FBRSL1: variants seen among roughly 807,000 people sequenced by gnomAD.
The protein encoded by FBRSL1 is fibrosin-1-like protein.
Under a neutral mutation model 89.6 loss-of-function variants are expected in FBRSL1, and 51 were observed. The ratio of observed to expected loss-of-function variants is 0.57; its 90% confidence interval spans 0.45 to 0.72. The LOEUF (loss-of-function observed/expected upper bound fraction) is 0.72. Among genes scored for constraint, FBRSL1 ranks in the 30% least tolerant of loss-of-function variants. The probability of loss-of-function intolerance (pLI) is 0.00; values close to 1 mark genes in which losing one functional copy is unlikely to be tolerated. For missense variants in FBRSL1, 1,618 were observed against 1,451.8 expected (o/e 1.11, Z -1.86); for synonymous variants, 779 against 681.1 (o/e 1.14, Z -2.24).
At chr12:132,523,454 C>T (rs924563722) in intron 2 of FBRSL1, among the ~76,000 whole-genome samples, 3 of 152,102 alleles carry the variant, frequency 2.0e-5, no homozygotes, top group African/African-American at 7.2e-5. Context: ...CCCTCTGTGG[C>T]ATGGGGGTGA....
At chr12:132,525,471 T>TA (rs957929241) in intron 2 of FBRSL1, among the ~76,000 whole-genome samples, 73 of 152,132 alleles carry the variant, frequency 4.8e-4, no homozygotes, top group Non-Finnish European at 8.5e-4. Flanking sequence ...CCCGTCCTGG[T>TA]AGAGTGTGTT....
rs752450409 is a variant in FBRSL1, at chr12:132,570,072, G to A, written c.838G>A (p.Gly280Ser). 254 of 1,489,698 alleles carry A rather than the reference G, an allele frequency of 1.7e-4. No homozygotes were observed. The highest frequency in any genetic ancestry group is 7.9e-4 in the Middle Eastern group (4 of 5,034). The allele number at this position is 1,489,698 out of a possible 1,614,324, so 92.3% of individuals were successfully genotyped here. The change falls in exon 7 of 19, where the codon GGC becomes AGC. Residue 280 changes from glycine (G) to serine (S), a missense_variant. Coordinates refer to ENST00000680143, the MANE Select transcript of FBRSL1 (RefSeq NM_001367871.1). The part of the protein sequence containing the change: ...HAAPCPGPPP[G>S]SRANPLVKKE... ...CGCGCCCTGCCCGGGGCCCCCGCCC[G>A]GCTCCCGCGCCAATCCCTTGGTGAA...
At position 132,584,345 on chromosome 12, in the gene FBRSL1, TG is replaced by T. The variant is rs1327425835; in HGVS notation, c.*568del. 7 of 152,340 alleles carry T rather than the reference TG, an allele frequency of 4.6e-5. No individual in the cohort carries two copies. The Middle Eastern group carries it at 0.01, about 222-fold the overall frequency. The allele number at this position is 152,340 out of a possible 1,614,324, so 9.4% of individuals were successfully genotyped here. A position where few individuals can be genotyped will look rare whatever the true frequency, so the allele number is the denominator to read the frequency against. Reference sequence around the variant, plus strand: ...CAGAAGTGTAATTTCTTTTTTGGTTTGTTTTTTTAAAAGCAAACGAAACGTG... The same window carrying T: ...CAGAAGTGTAATTTCTTTTTTGGTTTTTTTTTTAAAAGCAAACGAAACGTG... On this transcript the variant is annotated 3_prime_UTR_variant, in exon 19 of 19. Coordinates refer to ENST00000680143, the MANE Select transcript of FBRSL1 (RefSeq NM_001367871.1).
chr12:132,490,696 C>T lies in FBRSL1; in HGVS notation c.126C>T (p.Pro42=), dbSNP rs898008694. ...PSSGDEPEPS[P]GKENAGLRGA... is the part of the protein sequence containing the mutation. ...CGGGCGACGAGCCCGAGCCCAGCCCCGGCAAGGAGAACGCGGGCCTCCGCG... is the reference window on the plus strand; with the variant it reads ...CGGGCGACGAGCCCGAGCCCAGCCCTGGCAAGGAGAACGCGGGCCTCCGCG... The change falls in exon 1 of 19, where the codon CCC becomes CCT. Residue 42 remains proline (P), a synonymous_variant. Transcript: ENST00000680143. The T allele has an allele frequency of 9.3e-5, 93 of 996,450 alleles. No homozygotes were observed. Among genetic ancestry groups the T allele is most frequent in the Non-Finnish European group, 1.1e-4 (93 of 834,720 alleles). 61.7% of individuals were successfully genotyped at this position (996,450 alleles called of 1,614,324 possible).
At chr12:132,548,090 C>A in intron 5 of FBRSL1, 58 bp downstream of exon 5, 1 of 1,542,050 alleles carries the variant, frequency 6.5e-7, no homozygotes, top group Non-Finnish European at 8.8e-7. Flanking sequence ...CCCTGCTGAC[C>A]TTGGCCCTGT....
chr12:132,556,305 A>G (rs1421610332), intron 5 of FBRSL1, among the ~76,000 whole-genome samples: 2 of 151,984 alleles, frequency 1.3e-5, no homozygotes, highest in Admixed American at 1.3e-4. Context: ...GAGAGTGCAC[A>G]CCTCTGCGAC....
At chr12:132,574,791 G>C (rs566826987) in intron 14 of FBRSL1, among the ~76,000 whole-genome samples, 1 of 152,078 alleles carries the variant, frequency 6.6e-6, no homozygotes, top group East Asian at 1.9e-4. Flanking sequence ...CCCTCTCCTC[G>C]GCAAGGTGTG....
In FBRSL1 at chr12:132,583,506, G is replaced by GCCGCCC. The variant is rs2040939613; in HGVS notation, c.2743_2748dup (p.Pro915_Ala916dup). On this transcript the variant is annotated inframe_insertion, in exon 19 of 19. Coordinates refer to ENST00000680143, the MANE Select transcript of FBRSL1 (RefSeq NM_001367871.1). ...CGCGCGGGCCCCGCACCTGCCGCCC[G>GCCGCCC]CCGCCCCCGCCTTGGACGGCGCGCT... 2 of 1,042,174 alleles carry GCCGCCC rather than the reference G, an allele frequency of 1.9e-6. No homozygotes were observed. Among genetic ancestry groups the GCCGCCC allele is most frequent in the Non-Finnish European group, 2.3e-6 (2 of 866,276 alleles). 64.6% of individuals were successfully genotyped at this position (1,042,174 alleles called of 1,614,324 possible).
Position 132,571,137 on chromosome 12 carries a change from G to A in FBRSL1, c.1283G>A (p.Gly428Asp). ...CAGCCTCATTCGGGAATTCTGATTG[G>A]TACTTGGTCACAGGCTCCTCTCTTA... The part of the protein sequence containing the change: ...YCQPHSGILI[G>D]TWSQAPLLPA... The change falls in exon 9 of 19, where the codon GGT becomes GAT. Residue 428 changes from glycine (G) to aspartate (D), a missense_variant. Transcript: ENST00000680143. 1 of 1,393,032 alleles carries A rather than the reference G, an allele frequency of 7.2e-7. No homozygotes were observed. Among genetic ancestry groups the A allele is most frequent in the Non-Finnish European group, 9.3e-7 (1 of 1,074,632 alleles). The allele number at this position is 1,393,032 out of a possible 1,614,324, so 86.3% of individuals were successfully genotyped here.
intron 4 of FBRSL1, among the ~76,000 whole-genome samples, chr12:132,541,191 C>T (rs572295343): frequency 3.4e-3 from 522 of 151,438 alleles, no homozygotes; most frequent in South Asian, 0.015. Context: ...ACCCCTACCC[C>T]GAGGCACGTC....
At chr12:132,510,479 A>G in intron 2 of FBRSL1, 1 of 1,231,920 alleles carries the variant, frequency 8.1e-7, no homozygotes, top group Non-Finnish European at 1.0e-6. Flanking sequence ...TGGGTTTTCC[A>G]GCCCACTCCA....
intron 2 of FBRSL1, chr12:132,509,465 G>A (rs2034072748): frequency 3.4e-5 from 42 of 1,239,868 alleles, no homozygotes; most frequent in Non-Finnish European, 3.7e-5. Flanking sequence ...CCCCAGATCA[G>A]CTCTGCCAGC....
chr12:132,572,178 G>A (rs1014770785), intron 9 of FBRSL1, 110 bp from the exon 10 acceptor site: 2 of 985,754 alleles, frequency 2.0e-6, no homozygotes, highest in African/African-American at 3.3e-5. Flanking sequence ...CCAGCCTCAG[G>A]AAGCACAACG....
chr12:132,510,497 C>G (rs1405203971), intron 2 of FBRSL1: 2 of 1,231,908 alleles, frequency 1.6e-6, no homozygotes, highest in African/African-American at 1.6e-5. Context: ...CCAGTGTGAT[C>G]TGCACCCTGG....
intron 5 of FBRSL1, chr12:132,565,642 CGAGTGTGTGTACGTGCCT>C (rs1382616297): frequency 9.8e-5 from 15 of 152,322 alleles, no homozygotes; most frequent in South Asian, 2.1e-4. Context: ...TACGTGTACC[CGAGTGTGTGTACGTGCCT>C]GAGTGTGTGT....
intron 2 of FBRSL1, among the ~76,000 whole-genome samples, chr12:132,515,821 A>C: frequency 6.8e-6 from 1 of 146,178 alleles, no homozygotes; most frequent in East Asian, 2.1e-4. Flanking sequence ...AATCACTTGA[A>C]CCCAGGAGGT....
intron 5 of FBRSL1, among the ~76,000 whole-genome samples, chr12:132,549,293 G>A (rs183869075): frequency 7.2e-5 from 11 of 152,278 alleles, no homozygotes; most frequent in Admixed American, 2.6e-4. Context: ...CTCCTCGCCC[G>A]TCCGCAGATG....
At chr12:132,563,974 C>G (rs2039378097) in intron 5 of FBRSL1, among the ~76,000 whole-genome samples, 1 of 151,674 alleles carries the variant, frequency 6.6e-6, no homozygotes, top group African/African-American at 2.4e-5. Context: ...TCGCCCCGAA[C>G]CCCTGAGCTC....
Position 132,526,159 on chromosome 12 carries a change from C to T in FBRSL1, c.579+336C>T, listed in dbSNP as rs529422084. ...GCTGGCAGGAGCCCAGAGGCCAAAA[C>T]GTTAAGCCTTGGACGCTGTGCCTGC... On this transcript the variant is annotated intron_variant, in intron 3 of 18. Coordinates refer to ENST00000680143, the MANE Select transcript of FBRSL1 (RefSeq NM_001367871.1). 4.2e-3 allele frequency among the ~76,000 whole-genome samples: 638 copies of T among 152,332 alleles called. 2 individuals are homozygous for T. Among genetic ancestry groups the T allele is most frequent in the African/African-American group, 0.015 (619 of 41,566 alleles).
Sources: gnomAD v4.1 joint callset for allele counts (sites outside exome capture counted in the v4.1 genomes callset) on GRCh38, gnomAD v4.1.1 for gene constraint, MANE v1.5 for transcripts, NCBI Gene and HGNC (gene_info 2026-07-23, HGNC 2026-07-21) for gene names.